The following MTHFD1 variants were observed in gnomAD, a reference collection of about 807,000 sequenced individuals.
MTHFD1 encodes methylenetetrahydrofolate dehydrogenase, cyclohydrolase and formyltetrahydrofolate synthetase 1.
In MTHFD1, 44 loss-of-function variants were observed where a neutral mutation model predicts 110.3. The ratio of observed to expected loss-of-function variants is 0.40; its 90% CI spans 0.31 to 0.51. The LOEUF (loss-of-function observed/expected upper bound fraction) is 0.51. Among genes scored for constraint, MTHFD1 ranks in the 20% least tolerant of loss-of-function variants. The pLI is 0.60. For missense variants in MTHFD1, 909 were observed against 1,173.1 expected, an observed-to-expected ratio of 0.77 and a Z score of 3.29; for synonymous variants, 402 against 428.8, an observed-to-expected ratio of 0.94 and a Z score of 0.77.
chr14:64,455,043 A>G (rs1027566767), intron 26 of MTHFD1, 168 bp downstream of exon 26: 2 of 705,574 alleles, frequency 2.8e-6, no homozygotes, highest in Non-Finnish European at 5.1e-6. Context: ...AGCAGGAGCT[A>G]TATAGCTCTT....
At chr14:64,450,146 G>A (rs2078347097) in intron 24 of MTHFD1, among the ~76,000 whole-genome samples, 1 of 152,160 alleles carries the variant, frequency 6.6e-6, no homozygotes, top group Non-Finnish European at 1.5e-5. Context: ...ATTTAAGCAG[G>A]AATACCCCAG....
intron 4 of MTHFD1, among the ~76,000 whole-genome samples, chr14:64,414,656 ATT>A (rs564110675): frequency 1.9e-4 from 23 of 123,976 alleles, no homozygotes; most frequent in Admixed American, 2.4e-4. Flanking sequence ...CCCAGCCCTA[ATT>A]TTTTTTTTTT....
At chr14:64,434,949 CTTTTTTTTT>C (rs374039248) in intron 15 of MTHFD1, among the ~76,000 whole-genome samples, 3,842 of 80,802 alleles carry the variant, frequency 0.048, 78 homozygotes, top group Middle Eastern at 0.067. Flanking sequence ...TCCCTCTTTT[CTTTTTTTTT>C]TTTTTTTTTT....
intron 4 of MTHFD1, 148 bp downstream of exon 4, chr14:64,412,673 T>C (rs2077993981): frequency 1.6e-6 from 1 of 632,504 alleles, no homozygotes; most frequent in East Asian, 2.8e-5. Flanking sequence ...GTTTTGCTCA[T>C]GTCACCCAGG....
chr14:64,445,546 T>C (rs1303838520), intron 22 of MTHFD1, among the ~76,000 whole-genome samples: 2 of 152,152 alleles, frequency 1.3e-5, no homozygotes, highest in Non-Finnish European at 2.9e-5. Flanking sequence ...TTTTCTGCCT[T>C]TTTGGAAGGC....
At chr14:64,412,407 A>G (rs1301503401) in intron 3 of MTHFD1, 65 bp from the exon 4 acceptor site, 3 of 1,217,650 alleles carry the variant, frequency 2.5e-6, no homozygotes, top group Non-Finnish European at 3.7e-6. Flanking sequence ...TCATGTCTGT[A>G]AAAGAAATGG....
intron 1 of MTHFD1, chr14:64,388,897 C>T: frequency 3.9e-6 from 1 of 258,974 alleles, no homozygotes; most frequent in Non-Finnish European, 7.5e-6. Flanking sequence ...ACAGAGGGTC[C>T]TTCCAGCTCA....
At chr14:64,396,056 G>C (rs2077846138) in intron 1 of MTHFD1, among the ~76,000 whole-genome samples, 1 of 152,142 alleles carries the variant, frequency 6.6e-6, no homozygotes, top group Non-Finnish European at 1.5e-5. Flanking sequence ...GCATAAAATA[G>C]CTTCCTCACA....
intron 8 of MTHFD1, among the ~76,000 whole-genome samples, chr14:64,423,596 A>C (rs2078092690): frequency 1.3e-5 from 2 of 150,598 alleles, no homozygotes; most frequent in African/African-American, 4.9e-5. Flanking sequence ...GGGTTTCACC[A>C]TGCTGGCCAG....
rs527485062 is a variant in MTHFD1 at position 64,427,380 on chromosome 14, A to G, written c.1171A>G (p.Ile391Val). ...GGGAGAAGGGAAAAGCACAACTACA[A>G]TCGGGCTAGTGCAAGCCCTTGGTGC... is the stretch of plus-strand genomic sequence containing the variant. ...PLGEGKSTTT[I>V]GLVQALGAHL... Residue 391 changes from isoleucine (I) to valine (V), a missense_variant, in exon 12 of 28, where the codon ATC becomes GTC. Physicochemically the swap from Ile to Val is conservative, Grantham distance 29. Coordinates refer to ENST00000652337, the MANE Select transcript of MTHFD1 (RefSeq NM_005956.4). The G allele has an allele frequency of 1.3e-4, 212 of 1,614,150 alleles. 2 individuals are homozygous for G. The South Asian group carries it at 2.0e-3, about 15-fold the overall frequency.
intron 7 of MTHFD1, among the ~76,000 whole-genome samples, chr14:64,418,604 T>C (rs2078044886): frequency 6.6e-6 from 1 of 152,198 alleles, no homozygotes; most frequent in Non-Finnish European, 1.5e-5. Context: ...TTGCCCAGGC[T>C]GGAGTGCAAT....
chr14:64,402,756 T>C (rs1338006523), intron 2 of MTHFD1, among the ~76,000 whole-genome samples: 1 of 151,220 alleles, frequency 6.6e-6, no homozygotes, highest in Non-Finnish European at 1.5e-5. Flanking sequence ...CTGCAGGGAG[T>C]TGTGTTCATG....
chr14:64,441,020 T>A, intron 18 of MTHFD1: 1 of 339,594 alleles, frequency 2.9e-6, no homozygotes, highest in Non-Finnish European at 5.8e-6. Context: ...TGAAACCCTG[T>A]CTCTACTAAA....
intron 12 of MTHFD1, 84 bp downstream of exon 12, chr14:64,427,557 T>G: frequency 7.4e-7 from 1 of 1,350,150 alleles, no homozygotes; most frequent in Non-Finnish European, 1.1e-6. Flanking sequence ...CTATGATACT[T>G]ATGGGGTCTT....
rs1371027931 is a variant in MTHFD1, at chr14:64,415,487, G to T, written c.370G>T (p.Val124Leu). Residue 124 changes from valine to leucine, a missense_variant, in exon 5 of 28, where the codon GTG (valine) becomes TTG (leucine). Coordinates refer to ENST00000652337, the MANE Select transcript of MTHFD1 (RefSeq NM_005956.4). ...CAATGCTATTGCACCCGAGAAGGAT[G>T]TGGATGGGTAAGTGTGGCTTGGCTT... Reference protein sequence around the residue: ...VINAIAPEKDVDGLTSINAGK... With the variant: ...VINAIAPEKDLDGLTSINAGK... The T allele has an allele frequency of 6.2e-7, 1 of 1,614,076 alleles. No individual in the cohort carries two copies. Among genetic ancestry groups the T allele is most frequent in the Non-Finnish European group, 8.5e-7 (1 of 1,180,022 alleles).
intron 8 of MTHFD1, among the ~76,000 whole-genome samples, chr14:64,423,622 C>T (rs1316269991): frequency 6.6e-6 from 1 of 151,726 alleles, no homozygotes; most frequent in East Asian, 1.9e-4. Flanking sequence ...TCTCGGACTC[C>T]TGACCTCAGG....
rs1244268185 is a variant in MTHFD1, at chr14:64,402,810, AAAAAAT to A, written c.126+1951_126+1956del. ...GGTGACAGTGAGATCCTGTCTCAAAAAAAAATAAAAATAAAAATAAAAAAGCACTAA... is the reference window on the plus strand; with the variant it reads ...GGTGACAGTGAGATCCTGTCTCAAAAAAAAATAAAAATAAAAAAGCACTAA... On this transcript the variant is annotated intron_variant, in intron 2 of 27. Transcript: ENST00000652337. 7.9e-5 allele frequency among the ~76,000 whole-genome samples: 12 copies of A among 151,334 alleles called. No homozygotes were observed. In the East Asian group the frequency reaches 2.3e-3, roughly 29 times the overall value.
In MTHFD1 at chr14:64,435,647, C is replaced by G. The variant is rs748683266; in HGVS notation, c.1573C>G (p.Pro525Ala). 1.7e-5 allele frequency: 28 copies of G among 1,610,864 alleles called. No individual in the cohort carries two copies. The South Asian group carries it at 3.1e-4, about 18-fold the overall frequency. Residue 525 changes from proline to alanine, a missense_variant, in exon 16 of 28, where the codon CCA (proline) becomes GCA (alanine). By Grantham distance (27) the Pro-to-Ala change is conservative (BLOSUM62 -1). This residue lies in a region of MTHFD1 where 482 missense variants were observed against 646.0 expected (regional missense o/e 0.75). Transcript: ENST00000652337. ...CAGATTTGCAAGATTGGACATTGATCCAGAAACCATAACTTGGCAAAGAGG... is the reference window on the plus strand; with the variant it reads ...CAGATTTGCAAGATTGGACATTGATGCAGAAACCATAACTTGGCAAAGAGG... ...INRFARLDID[P>A]ETITWQRVLD...
chr14:64,413,397 T>C (rs2078000470), intron 4 of MTHFD1, among the ~76,000 whole-genome samples: 2 of 152,260 alleles, frequency 1.3e-5, no homozygotes, highest in Middle Eastern at 6.8e-3. Context: ...TTATCTGCAT[T>C]CTAAAAACCA....
Sources: allele counts gnomAD v4.1 joint callset (sites outside exome capture counted in the v4.1 genomes callset), GRCh38; gene constraint gnomAD v4.1.1; regional missense constraint gnomAD v4.1.1; transcripts MANE v1.5; gene names NCBI Gene and HGNC (gene_info 2026-07-23, HGNC 2026-07-21).